Variants in TAF3 observed in about 807,000 individuals in gnomAD.
TAF3 encodes TATA-box binding protein associated factor 3, also known as transcription initiation factor TFIID subunit 3.
Under a neutral mutation model 80.6 loss-of-function variants are expected in TAF3, and 7 were observed. The ratio of observed to expected loss-of-function variants is 0.09; its 90% CI spans 0.05 to 0.16. The LOEUF (loss-of-function observed/expected upper bound fraction) is 0.16. Ranked by LOEUF, TAF3 falls within the 10% of genes least tolerant of loss-of-function variation. TAF3 has a pLI of 1.00. For synonymous variants in TAF3, 444 were observed against 446.1 expected (o/e 1.00, Z 0.06); for missense variants, 921 against 1,140.2 (o/e 0.81, Z 2.77).
chr10:7,890,575 A>T (rs958726522), intron 2 of TAF3, among the ~76,000 whole-genome samples: 2 of 152,256 alleles, frequency 1.3e-5, no homozygotes, highest in African/African-American at 4.8e-5. Flanking sequence ...AGTACAGTCA[A>T]GACTCTTTCT....
chr10:7,998,717 C>G (rs2131433351), intron 4 of TAF3, among the ~76,000 whole-genome samples: 1 of 151,872 alleles, frequency 6.6e-6, no homozygotes, highest in South Asian at 2.1e-4. Context: ...TGCATGCCCT[C>G]AATCCCAGCT....
intron 2 of TAF3, among the ~76,000 whole-genome samples, chr10:7,833,085 AT>A (rs1303776641): frequency 6.6e-6 from 1 of 152,110 alleles, no homozygotes; most frequent in Non-Finnish European, 1.5e-5. Flanking sequence ...TATATATTAC[AT>A]TTTCTTTATC....
At chr10:7,962,601 C>A (rs556636527) in intron 2 of TAF3, among the ~76,000 whole-genome samples, 2 of 152,218 alleles carry the variant, frequency 1.3e-5, no homozygotes, top group Non-Finnish European at 2.9e-5. Flanking sequence ...TTACACTCCC[C>A]GTGTTTCACC....
chr10:7,846,733 T>C (rs1414836203), intron 2 of TAF3, among the ~76,000 whole-genome samples: 1 of 152,246 alleles, frequency 6.6e-6, no homozygotes, highest in African/African-American at 2.4e-5. Context: ...TCAGGGATCA[T>C]ATTTCCTGCA....
chr10:7,965,568 G>T lies in TAF3; in HGVS notation c.2058G>T (p.Pro686=). 1 of 1,598,112 alleles carries T rather than the reference G, an allele frequency of 6.3e-7. No homozygotes were observed. Among genetic ancestry groups the T allele is most frequent in the South Asian group, 1.2e-5 (1 of 86,860 alleles). The part of the protein sequence containing the change: ...AMLPSLLPVL[P]EKLFEEKEKV... ...TGCCATCTTTGTTGCCAGTGCTTCC[G>T]GAAAAACTGTTTGAGGAGAAAGAGA... Residue 686 remains proline (P), a synonymous_variant, in exon 3 of 7, where the codon CCG becomes CCT. Transcript: ENST00000344293.
intron 2 of TAF3, among the ~76,000 whole-genome samples, chr10:7,932,669 A>ATTTTTTTTTTTTTTTTTTTTTTTTTTT (rs34907761): frequency 3.8e-5 from 3 of 78,810 alleles, no homozygotes; most frequent in Non-Finnish European, 6.8e-5. Context: ...GTTCCACTTA[A>ATTTTTTTTTTTTTTTTTTTTTTTTTTT]TTTTTTTTTT....
chr10:7,855,653 A>G (rs993758802), intron 2 of TAF3, among the ~76,000 whole-genome samples: 1 of 152,220 alleles, frequency 6.6e-6, no homozygotes, highest in Non-Finnish European at 1.5e-5. Context: ...GACATACTCA[A>G]AGCTCCCAGA....
chr10:7,845,744 G>C (rs567526410), intron 2 of TAF3, among the ~76,000 whole-genome samples: 4 of 152,142 alleles, frequency 2.6e-5, no homozygotes, highest in Admixed American at 2.0e-4. Context: ...TCAATTGGCC[G>C]TGTGAGAGGC....
chr10:7,827,479 T>A (rs756540196), intron 2 of TAF3, among the ~76,000 whole-genome samples: 2 of 151,830 alleles, frequency 1.3e-5, no homozygotes, highest in Non-Finnish European at 2.9e-5. Flanking sequence ...AGACCTCATC[T>A]CTACTAAAAA....
intron 4 of TAF3, among the ~76,000 whole-genome samples, chr10:7,982,655 T>G (rs1831736560): frequency 6.6e-6 from 1 of 152,180 alleles, no homozygotes; most frequent in Non-Finnish European, 1.5e-5. Flanking sequence ...CTGCCTTGGC[T>G]TCCCAAAGTG....
intron 2 of TAF3, among the ~76,000 whole-genome samples, chr10:7,922,041 G>A (rs887796671): frequency 3.9e-5 from 6 of 151,982 alleles, no homozygotes; most frequent in Middle Eastern, 3.2e-3. Context: ...GATTATGTTC[G>A]TATTTGTTTT....
intron 2 of TAF3, among the ~76,000 whole-genome samples, chr10:7,864,262 C>G (rs139759999): frequency 6.6e-6 from 1 of 152,188 alleles, no homozygotes; most frequent in East Asian, 1.9e-4. Context: ...CAACCTGTGG[C>G]AACTACTGAT....
At chr10:7,851,540 T>C (rs1336405923) in intron 2 of TAF3, among the ~76,000 whole-genome samples, 3 of 152,160 alleles carry the variant, frequency 2.0e-5, no homozygotes, top group Admixed American at 1.3e-4. Context: ...TTTTCAAGCA[T>C]GTAAAAGTAA....
chr10:7,995,605 T>C (rs1190253240), intron 4 of TAF3, among the ~76,000 whole-genome samples: 1 of 152,230 alleles, frequency 6.6e-6, no homozygotes, highest in Non-Finnish European at 1.5e-5. Flanking sequence ...CCCTTGGAAA[T>C]GGAGATTCTA....
intron 2 of TAF3, among the ~76,000 whole-genome samples, chr10:7,961,997 G>A (rs376892714): frequency 1.2e-3 from 176 of 152,046 alleles, no homozygotes; most frequent in African/African-American, 4.0e-3. Context: ...CTACAGGCAC[G>A]CACCACAACA....
At chr10:7,948,626 A>C (rs1321862239) in intron 2 of TAF3, among the ~76,000 whole-genome samples, 1 of 152,176 alleles carries the variant, frequency 6.6e-6, no homozygotes, top group African/African-American at 2.4e-5. Flanking sequence ...GACTCACCAA[A>C]TTTTGAGAGA....
chr10:7,818,648 G>T lies in TAF3; in HGVS notation c.-62G>T. On this transcript the variant is annotated 5_prime_UTR_variant, in exon 1 of 7. It adds an upstream start codon to the 5' untranslated region. Coordinates refer to ENST00000344293, the MANE Select transcript of TAF3 (RefSeq NM_031923.4). Reference sequence around the variant, plus strand: ...GAGGATGAATCGGGGACCCTGCTAAGGTCTGGCGGCGGGGCTGGAGAGCAG... The same window carrying T: ...GAGGATGAATCGGGGACCCTGCTAATGTCTGGCGGCGGGGCTGGAGAGCAG... The T allele has an allele frequency of 8.3e-6, 13 of 1,564,666 alleles. No homozygotes were observed. Among genetic ancestry groups the T allele is most frequent in the Non-Finnish European group, 1.0e-5 (12 of 1,160,278 alleles).
intron 2 of TAF3, among the ~76,000 whole-genome samples, chr10:7,940,891 T>A (rs2131205808): frequency 6.6e-6 from 1 of 150,942 alleles, no homozygotes; most frequent in African/African-American, 2.4e-5. Context: ...CCCAGGAGTT[T>A]GAGGCTGCAG....
At chr10:8,004,215 T>C (rs1326290479) in intron 4 of TAF3, among the ~76,000 whole-genome samples, 8 of 152,106 alleles carry the variant, frequency 5.3e-5, no homozygotes, top group African/African-American at 1.7e-4. Context: ...CACACCCAGC[T>C]AATTTTTGTA....
Sources: allele counts gnomAD v4.1 joint callset (sites outside exome capture counted in the v4.1 genomes callset), GRCh38; gene constraint gnomAD v4.1.1; transcripts MANE v1.5; gene names NCBI Gene and HGNC (gene_info 2026-07-23, HGNC 2026-07-21).